The following TTC6 variants were observed in gnomAD, a reference collection of about 807,000 sequenced individuals.
TTC6 encodes tetratricopeptide repeat domain 6, also known as tetratricopeptide repeat protein 6.
TTC6 carries 172 observed loss-of-function variants against 210.4 expected under a neutral mutation model. That is an observed-to-expected ratio of 0.82 (90% CI 0.72 to 0.93). The LOEUF is 0.93. TTC6 is among the 40% of genes least tolerant of loss of function. TTC6 has a pLI of 0.00. For missense variants in TTC6, 2,414 were observed against 2,318.1 expected (o/e 1.04, Z -0.85); for synonymous variants, 804 against 819.6 (o/e 0.98, Z 0.32).
intron 1 of TTC6, among the ~76,000 whole-genome samples, chr14:37,671,420 T>C (rs2095757931): frequency 6.6e-6 from 1 of 152,292 alleles, no homozygotes; most frequent in East Asian, 1.9e-4. Context: ...TTGGGGATCA[T>C]CTTGGACAAT....
chr14:37,763,589 T>A (rs554398380), intron 14 of TTC6, among the ~76,000 whole-genome samples: 2 of 152,196 alleles, frequency 1.3e-5, no homozygotes, highest in African/African-American at 4.8e-5. Context: ...TTTGTTAGCA[T>A]GCAATTGTTC....
At chr14:37,632,445 A>G (rs1433506400) in intron 1 of TTC6, among the ~76,000 whole-genome samples, 1 of 152,174 alleles carries the variant, frequency 6.6e-6, no homozygotes, top group Non-Finnish European at 1.5e-5. Flanking sequence ...TCACCAGTGG[A>G]GGCTGCAGAA....
intron 10 of TTC6, among the ~76,000 whole-genome samples, chr14:37,747,701 G>T (rs1232529885): frequency 2.0e-5 from 3 of 152,174 alleles, no homozygotes; most frequent in South Asian, 2.1e-4. Flanking sequence ...AGTCTGTGCA[G>T]ATCAGTTTCC....
intron 29 of TTC6, 102 bp downstream of exon 31, chr14:37,827,468 A>G (rs2096174779): frequency 3.8e-6 from 4 of 1,052,020 alleles, no homozygotes; most frequent in South Asian, 1.9e-5. Flanking sequence ...CTAATAATGC[A>G]TTGGCTATTA....
chr14:37,664,837 G>A (rs1419849943), intron 1 of TTC6, among the ~76,000 whole-genome samples: 1 of 150,538 alleles, frequency 6.6e-6, no homozygotes, highest in Non-Finnish European at 1.5e-5. Flanking sequence ...AGTGGGTAAA[G>A]GACATGAGCA....
rs115914052 is a variant in TTC6 at position 37,816,963 on chromosome 14, G to A, written c.4690-615G>A. Among the ~76,000 whole-genome samples, 1,492 of 152,148 alleles carry A rather than the reference G, an allele frequency of 9.8e-3. 26 individuals carry two copies. Among genetic ancestry groups the A allele is most frequent in the African/African-American group, 0.034 (1,416 of 41,508 alleles). On this transcript the variant is annotated intron_variant, in intron 25 of 30. Transcript: ENST00000553443. ...AACAGCCTCTTCCTAGGGGCCACTG[G>A]GATCCTTCCCAGCTGACTTCCCTAA...
chr14:37,768,640 T>C (rs1350451749), intron 14 of TTC6, among the ~76,000 whole-genome samples: 5 of 150,276 alleles, frequency 3.3e-5, no homozygotes, highest in Non-Finnish European at 7.5e-5. Context: ...GTGATTTTTG[T>C]ACATTGATTT....
intron 1 of TTC6, among the ~76,000 whole-genome samples, chr14:37,633,064 G>C (rs571535115): frequency 1.3e-5 from 2 of 152,270 alleles, no homozygotes; most frequent in South Asian, 4.1e-4. Flanking sequence ...TGGGCTCCGT[G>C]GGGGTGAGAT....
At position 37,696,892 on chromosome 14, in the gene TTC6, G is replaced by A. The variant is rs540100981; in HGVS notation, c.1376+57G>A. 53 of 690,624 alleles carry A rather than the reference G, an allele frequency of 7.7e-5. No individual in the cohort carries two copies. The African/African-American group carries it at 9.3e-4, about 12-fold the overall frequency. 42.8% of individuals were successfully genotyped at this position (690,624 alleles called of 1,614,324 possible). ...GGGAGAGGAGTTATTCAGTAGCATA[G>A]AGACATGAAAATACATTTTTAAAAA... On this transcript the variant is annotated intron_variant, in intron 4 of 30. Transcript: ENST00000553443.
At chr14:37,839,791 T>G (rs889814288) in intron 29 of TTC6, among the ~76,000 whole-genome samples, 7 of 152,222 alleles carry the variant, frequency 4.6e-5, no homozygotes, top group Non-Finnish European at 8.8e-5. Context: ...GTGTAACATT[T>G]AAGTCTTTAA....
At chr14:37,743,840 A>G (rs1465116339) in intron 10 of TTC6, among the ~76,000 whole-genome samples, 1 of 152,146 alleles carries the variant, frequency 6.6e-6, no homozygotes, top group Non-Finnish European at 1.5e-5. Context: ...ACTGATCACA[A>G]TTTCAGATGA....
chr14:37,739,022 G>A (rs550398851), exon 10 of TTC6: 1 of 1,535,540 alleles, frequency 6.5e-7, no homozygotes, highest in Non-Finnish European at 8.7e-7. Flanking sequence ...TCTCATTGAA[G>A]CGTCTAAAAA....
At chr14:37,744,397 G>C (rs969838839) in intron 10 of TTC6, among the ~76,000 whole-genome samples, 1 of 152,200 alleles carries the variant, frequency 6.6e-6, no homozygotes, top group Non-Finnish European at 1.5e-5. Flanking sequence ...AGACAGAGTG[G>C]TCAGAAGCCT....
chr14:37,617,258 C>T (rs1459649257), upstream of TTC6, among the ~76,000 whole-genome samples: 1 of 152,038 alleles, frequency 6.6e-6, no homozygotes, highest in Non-Finnish European at 1.5e-5. Flanking sequence ...AAGAAAAACG[C>T]AGGGGAGTAT....
intron 14 of TTC6, among the ~76,000 whole-genome samples, chr14:37,764,716 A>C (rs889299335): frequency 6.6e-6 from 1 of 152,114 alleles, no homozygotes; most frequent in Non-Finnish European, 1.5e-5. Flanking sequence ...TAGTTTGTAA[A>C]AATTATTTTC....
chr14:37,696,324 A>C (rs2095814809), intron 3 of TTC6, among the ~76,000 whole-genome samples: 2 of 152,166 alleles, frequency 1.3e-5, no homozygotes, highest in Non-Finnish European at 2.9e-5. Flanking sequence ...TAAACTGATC[A>C]AAACAAAAAT....
chr14:37,738,563 T>C (rs2095908346), intron 9 of TTC6, among the ~76,000 whole-genome samples: 1 of 152,172 alleles, frequency 6.6e-6, no homozygotes, highest in Admixed American at 6.5e-5. Flanking sequence ...TGAAATGTCA[T>C]ATGACCAACC....
chr14:37,763,507 A>G (rs2095990492), intron 14 of TTC6, among the ~76,000 whole-genome samples: 1 of 151,860 alleles, frequency 6.6e-6, no homozygotes, highest in African/African-American at 2.4e-5. Flanking sequence ...CAGGCTTTCT[A>G]TTTCTTCTTG....
Position 37,827,447 on chromosome 14 carries a change from A to G in TTC6, c.5298+81A>G, listed in dbSNP as rs910989286. 29 of 1,353,468 alleles carry G rather than the reference A, an allele frequency of 2.1e-5. No homozygotes were observed. The African/African-American group carries it at 3.8e-4, about 18-fold the overall frequency. The allele number at this position is 1,353,468 out of a possible 1,614,324, so 83.8% of individuals were successfully genotyped here. A position where few individuals can be genotyped will look rare whatever the true frequency, so the allele number is the denominator to read the frequency against. On this transcript the variant is annotated intron_variant, in intron 29 of 30. Coordinates refer to ENST00000553443, the Ensembl canonical transcript of TTC6. ...TATATAGCTTCAAAGTATAATTCAT[A>G]CAATCTCAGGCTAATAATGCATTGG...
Sources: gnomAD v4.1 joint callset for allele counts (sites outside exome capture counted in the v4.1 genomes callset) on GRCh38, gnomAD v4.1.1 for gene constraint, MANE v1.5 for transcripts, NCBI Gene and HGNC (gene_info 2026-07-23, HGNC 2026-07-21) for gene names.